Variants in TNFSF4 observed in about 807,000 individuals in gnomAD.
The protein encoded by TNFSF4 is TNF superfamily member 4.
TNFSF4 carries 4 observed loss-of-function variants against 7.3 expected under a neutral mutation model. The observed-to-expected ratio is 0.55, with a 90% CI of 0.27 to 1.25. The LOEUF (loss-of-function observed/expected upper bound fraction) is 1.25. Among genes scored for constraint, TNFSF4 ranks in the 50% most tolerant of loss-of-function variants. The pLI is 0.12. For synonymous variants in TNFSF4, 76 were observed against 83.7 expected (o/e 0.91, Z 0.50); for missense variants, 181 against 208.8 (o/e 0.87, Z 0.82).
At chr1:173,428,927 A>G in the TNFSF4 span, among the ~76,000 whole-genome samples, 3 of 152,024 alleles carry the variant, frequency 2.0e-5, no homozygotes, top group African/African-American at 7.3e-5. Context: ...GAATTTATTG[A>G]ATCTGGGAGG....
At chr1:173,320,965 T>G in the TNFSF4 span, among the ~76,000 whole-genome samples, 4 of 152,170 alleles carry the variant, frequency 2.6e-5, no homozygotes, top group Non-Finnish European at 5.9e-5. Context: ...TTCCCAGAAT[T>G]AGAAAAAAGC....
At chr1:173,365,471 A>G in the TNFSF4 span, among the ~76,000 whole-genome samples, 1 of 152,230 alleles carries the variant, frequency 6.6e-6, no homozygotes, top group Non-Finnish European at 1.5e-5. Context: ...GGGAAATTCT[A>G]TCAAGTGTCT....
chr1:173,333,582 A>C, the TNFSF4 span, among the ~76,000 whole-genome samples: 1 of 151,978 alleles, frequency 6.6e-6, no homozygotes, highest in Non-Finnish European at 1.5e-5. Flanking sequence ...CCATCATAAG[A>C]GGAGATAAGA....
chr1:173,289,817 ATAGAAACC>A, the TNFSF4 span, among the ~76,000 whole-genome samples: 1 of 152,200 alleles, frequency 6.6e-6, no homozygotes, highest in African/African-American at 2.4e-5. Context: ...AAGATATGCA[ATAGAAACC>A]ACCTAAACCT....
At chr1:173,175,067 G>A in the TNFSF4 span, 1 of 152,172 alleles carries the variant, frequency 6.6e-6, no homozygotes, top group African/African-American at 2.4e-5. Flanking sequence ...TCTACAAGTG[G>A]TAATTAAAAA....
At chr1:173,431,843 A>C in the TNFSF4 span, among the ~76,000 whole-genome samples, 1 of 152,116 alleles carries the variant, frequency 6.6e-6, no homozygotes, top group East Asian at 1.9e-4. Context: ...TTACTTCCTC[A>C]GCAGATGAGT....
At chr1:173,368,149 C>T in the TNFSF4 span, among the ~76,000 whole-genome samples, 456 of 152,188 alleles carry the variant, frequency 3.0e-3, 1 homozygote, top group African/African-American at 9.9e-3. Flanking sequence ...AAATGGAACA[C>T]GCGAGGGGAC....
At chr1:173,368,340 C>T in the TNFSF4 span, among the ~76,000 whole-genome samples, 3 of 152,180 alleles carry the variant, frequency 2.0e-5, no homozygotes, top group African/African-American at 7.2e-5. Flanking sequence ...TGGTTCCATT[C>T]TTGAAGTCAG....
chr1:173,201,924 G>A lies in TNFSF4; in HGVS notation c.153+5100C>T, dbSNP rs891457723. Among the ~76,000 whole-genome samples, 11 of 152,124 alleles carry A rather than the reference G, an allele frequency of 7.2e-5. No homozygotes were observed. In the Middle Eastern group the frequency reaches 0.01, roughly 141 times the overall value. On this transcript the variant is annotated intron_variant, in intron 1 of 2. Transcript: ENST00000281834. ...TGGGTTATTTTTCCCTCATTAAACA[G>A]TAATAACAACACTGTATGTAGCTCC...
chr1:173,395,120 T>C, the TNFSF4 span, among the ~76,000 whole-genome samples: 4 of 151,600 alleles, frequency 2.6e-5, no homozygotes, highest in Non-Finnish European at 5.9e-5. Context: ...CCTTAACTAA[T>C]ATAGATTTTG....
the TNFSF4 span, among the ~76,000 whole-genome samples, chr1:173,256,453 A>T: frequency 7.2e-5 from 11 of 152,118 alleles, no homozygotes; most frequent in African/African-American, 2.7e-4. Flanking sequence ...CCTCACCTTC[A>T]TGACTTCACC....
At chr1:173,399,532 C>T in the TNFSF4 span, among the ~76,000 whole-genome samples, 96,322 of 151,650 alleles carry the variant, frequency 0.64, 30,902 homozygotes, top group African/African-American at 0.74. Context: ...AGGTCACTGA[C>T]TTGGAAAAAA....
At chr1:173,189,768 T>TACACAAG (rs1283280702) in intron 1 of TNFSF4, among the ~76,000 whole-genome samples, 1 of 152,126 alleles carries the variant, frequency 6.6e-6, no homozygotes, top group Admixed American at 6.5e-5. Context: ...TCTGAAAGAA[T>TACACAAG]ACACAAGACA....
chr1:173,314,007 A>T, the TNFSF4 span, among the ~76,000 whole-genome samples: 1 of 151,820 alleles, frequency 6.6e-6, no homozygotes, highest in Non-Finnish European at 1.5e-5. Context: ...ATTTTGCTGC[A>T]TTGACTTTTA....
chr1:173,257,662 G>T, the TNFSF4 span, among the ~76,000 whole-genome samples: 1 of 152,228 alleles, frequency 6.6e-6, no homozygotes, highest in Non-Finnish European at 1.5e-5. Context: ...CAGAGGGCAA[G>T]ATCTGGGAGG....
At chr1:173,413,551 G>A in the TNFSF4 span, among the ~76,000 whole-genome samples, 6 of 152,164 alleles carry the variant, frequency 3.9e-5, no homozygotes, top group African/African-American at 1.2e-4. Context: ...AGGGCACATC[G>A]GTGTGGAGGA....
downstream of TNFSF4, among the ~76,000 whole-genome samples, chr1:173,179,328 G>A (rs1571176202): frequency 6.6e-6 from 1 of 152,164 alleles, no homozygotes; most frequent in African/African-American, 2.4e-5. Context: ...ACCTGGCACT[G>A]TACTCCAAAC....
the TNFSF4 span, among the ~76,000 whole-genome samples, chr1:173,279,543 A>C: frequency 6.6e-6 from 1 of 152,118 alleles, no homozygotes; most frequent in South Asian, 2.1e-4. Flanking sequence ...CCAAACTCAA[A>C]TATCATGGTC....
intron 1 of TNFSF4, among the ~76,000 whole-genome samples, chr1:173,203,257 T>A (rs911578033): frequency 6.6e-6 from 1 of 151,980 alleles, no homozygotes; most frequent in African/African-American, 2.4e-5. Context: ...TGTTTTCTTA[T>A]CTGTAAATAG....
Sources: allele counts gnomAD v4.1 joint callset (sites outside exome capture counted in the v4.1 genomes callset), GRCh38; gene constraint gnomAD v4.1.1; transcripts MANE v1.5; gene names NCBI Gene and HGNC (gene_info 2026-07-23, HGNC 2026-07-21).